OSBPL10: variants seen among roughly 807,000 people sequenced by gnomAD.
OSBPL10 encodes oxysterol binding protein like 10.
In OSBPL10, 49 loss-of-function variants were observed where a neutral mutation model predicts 81.7. That is an observed-to-expected ratio of 0.60 (90% CI 0.48 to 0.76). The LOEUF is 0.76. OSBPL10 is among the 30% of genes least tolerant of loss of function. OSBPL10 has a pLI of 0.00. For missense variants in OSBPL10, 923 were observed against 987.8 expected, an observed-to-expected ratio of 0.93 and a Z score of 0.88; for synonymous variants, 419 against 383.6, an observed-to-expected ratio of 1.09 and a Z score of -1.08.
intron 4 of OSBPL10, chr3:31,797,665 G>A (rs983571235): frequency 3.8e-5 from 14 of 371,818 alleles, no homozygotes; most frequent in African/African-American, 1.9e-4. Context: ...CCACATAAAA[G>A]AGGGTACATT....
chr3:31,747,429 C>T (rs1021723366), intron 5 of OSBPL10, among the ~76,000 whole-genome samples: 2 of 147,868 alleles, frequency 1.4e-5, no homozygotes, highest in Non-Finnish European at 3.0e-5. Context: ...TTGAAAGGTT[C>T]CGTGTCCATT....
chr3:31,799,312 C>A (rs77481783), intron 4 of OSBPL10, among the ~76,000 whole-genome samples: 2 of 132,402 alleles, frequency 1.5e-5, no homozygotes, highest in African/African-American at 2.8e-5. Flanking sequence ...GAAGCCAGGG[C>A]GAGAGGATCA....
intron 4 of OSBPL10, among the ~76,000 whole-genome samples, chr3:31,759,755 G>C (rs763498938): frequency 5.9e-5 from 9 of 151,860 alleles, no homozygotes; most frequent in Non-Finnish European, 1.0e-4. Flanking sequence ...ATGTTATTTT[G>C]TTTTTTATTT....
At chr3:31,685,978 T>C (rs1448065198) in intron 7 of OSBPL10, among the ~76,000 whole-genome samples, 1 of 152,162 alleles carries the variant, frequency 6.6e-6, no homozygotes, top group African/African-American at 2.4e-5. Context: ...TATGAAGAGA[T>C]TAATGCCTTC....
chr3:31,987,981 T>C (rs967249215), intron 2 of OSBPL10, among the ~76,000 whole-genome samples: 1 of 152,082 alleles, frequency 6.6e-6, no homozygotes, highest in Non-Finnish European at 1.5e-5. Context: ...GAAGGATGAT[T>C]AAGAGGGCAA....
chr3:31,818,347 C>T (rs939467230), intron 4 of OSBPL10, among the ~76,000 whole-genome samples: 2 of 152,168 alleles, frequency 1.3e-5, no homozygotes, highest in African/African-American at 2.4e-5. Flanking sequence ...CCCTCATCTC[C>T]GGCCTGATGG....
At chr3:31,947,502 C>A (rs1432729601) in intron 1 of OSBPL10, among the ~76,000 whole-genome samples, 1 of 152,178 alleles carries the variant, frequency 6.6e-6, no homozygotes, top group East Asian at 1.9e-4. Context: ...CTTACACCAA[C>A]ATCAGAAGTC....
At position 32,066,381 on chromosome 3, in the gene OSBPL10, T is replaced by C. The variant is rs2125445356; in HGVS notation, n.185+11015A>G. On this transcript the variant is annotated intron_variant and non_coding_transcript_variant, in intron 1 of 3. Coordinates refer to the OSBPL10 transcript ENST00000479173. ...CCCTACCCTGCTCTTTGGTTATAAA[T>C]CTCCACTTGTCCTTGTTGGAGTCTG... 2 of 33,356 alleles carry C rather than the reference T, an allele frequency of 6.0e-5. 1 individual carries two copies. 2.1% of individuals were successfully genotyped at this position (33,356 alleles called of 1,614,324 possible).
chr3:31,688,268 C>A (rs925324422), intron 7 of OSBPL10, among the ~76,000 whole-genome samples: 3 of 103,390 alleles, frequency 2.9e-5, no homozygotes, highest in Non-Finnish European at 3.9e-5. Flanking sequence ...CTGCACAAAT[C>A]TCTCTCTCTC....
At position 32,063,093 on chromosome 3, in the gene OSBPL10, A is replaced by G. The variant is rs1232672371; in HGVS notation, n.185+14303T>C. ...TTCCAAGACCTTGCAGTGGGATGTA[A>G]TAAAACTTGAATTGCAGTCCTGAAT... On this transcript the variant is annotated intron_variant and non_coding_transcript_variant, in intron 1 of 3. Transcript: ENST00000479173. Among the ~76,000 whole-genome samples, 11 of 93,646 alleles carry G rather than the reference A, an allele frequency of 1.2e-4. 2 individuals are homozygous for G. Among genetic ancestry groups the G allele is most frequent in the Admixed American group, 1.0e-3 (8 of 7,696 alleles). The allele number at this position is 93,646 out of a possible 152,430, so 61.4% of individuals were successfully genotyped here. A position where few individuals can be genotyped will look rare whatever the true frequency, so the allele number is the denominator to read the frequency against.
rs538802367 is a variant in OSBPL10, at chr3:31,875,828, G to A, written c.537+605C>T. On this transcript the variant is annotated intron_variant, in intron 3 of 11. Transcript: ENST00000396556. ...ACATTAATTTTAACAAATATTTATTGCCCTAGATAAATGCATTTTGAAATT... is the reference window on the plus strand; with the variant it reads ...ACATTAATTTTAACAAATATTTATTACCCTAGATAAATGCATTTTGAAATT... 2.6e-5 allele frequency among the ~76,000 whole-genome samples: 4 copies of A among 152,124 alleles called. No homozygotes were observed. The East Asian group carries it at 7.7e-4, about 29-fold the overall frequency.
chr3:31,853,363 C>T (rs1232851982), intron 3 of OSBPL10, among the ~76,000 whole-genome samples: 1 of 152,078 alleles, frequency 6.6e-6, no homozygotes, highest in Non-Finnish European at 1.5e-5. Context: ...TGAGGGTCAG[C>T]ATCAAGGGGT....
intron 4 of OSBPL10, among the ~76,000 whole-genome samples, chr3:31,793,256 C>A (rs963968433): frequency 1.3e-5 from 2 of 152,300 alleles, no homozygotes; most frequent in Middle Eastern, 3.4e-3. Context: ...CTGTCATTTT[C>A]TTTCTGCCTA....
chr3:31,870,216 C>G (rs1458219762), intron 3 of OSBPL10, among the ~76,000 whole-genome samples: 2 of 152,248 alleles, frequency 1.3e-5, no homozygotes, highest in Non-Finnish European at 2.9e-5. Context: ...GCACTCCGAG[C>G]AGCCGGCGGG....
At chr3:31,848,266 C>G (rs554120734) in intron 3 of OSBPL10, among the ~76,000 whole-genome samples, 1 of 151,716 alleles carries the variant, frequency 6.6e-6, no homozygotes, top group Admixed American at 6.6e-5. Context: ...CTCAGGCACA[C>G]GTTTTACCTT....
intron 8 of OSBPL10, among the ~76,000 whole-genome samples, chr3:31,677,988 G>A (rs1295442629): frequency 2.0e-5 from 3 of 150,106 alleles, no homozygotes; most frequent in East Asian, 2.0e-4. Context: ...GGCTGAGGCA[G>A]GAGAATGGCG....
At chr3:31,732,610 C>T (rs566350056) in intron 6 of OSBPL10, 1 of 152,592 alleles carries the variant, frequency 6.6e-6, no homozygotes, top group South Asian at 2.1e-4. Flanking sequence ...GGAAACACTG[C>T]ATTTGGCTCC....
chr3:31,947,942 T>C (rs893526721), intron 1 of OSBPL10, among the ~76,000 whole-genome samples: 2 of 151,532 alleles, frequency 1.3e-5, no homozygotes, highest in East Asian at 3.9e-4. Context: ...ACAAAGTTTG[T>C]GCTGCCAGGA....
At chr3:31,708,676 G>A (rs1696151731) in intron 6 of OSBPL10, 1 of 952,524 alleles carries the variant, frequency 1.0e-6, no homozygotes, top group Non-Finnish European at 1.2e-6. Flanking sequence ...AGAAAGTTTT[G>A]GCATATGAAT....
Sources: gnomAD v4.1 joint callset for allele counts (sites outside exome capture counted in the v4.1 genomes callset) on GRCh38, gnomAD v4.1.1 for gene constraint, MANE v1.5 for transcripts, NCBI Gene and HGNC (gene_info 2026-07-23, HGNC 2026-07-21) for gene names.